Variants in MYRIP observed in about 807,000 individuals in gnomAD.
MYRIP encodes the protein myosin VIIA and Rab interacting protein, also known as rab effector MyRIP.
Under a neutral mutation model 98.0 loss-of-function variants are expected in MYRIP, and 49 were observed. That is an observed-to-expected ratio of 0.50 (90% CI 0.40 to 0.63). MYRIP has a LOEUF of 0.63. MYRIP is among the 30% of genes least tolerant of loss of function. MYRIP has a pLI of 0.00. For synonymous variants in MYRIP, 404 were observed against 409.5 expected (o/e 0.99, Z 0.16); for missense variants, 1,004 against 1,058.2 (o/e 0.95, Z 0.71).
chr3:39,878,396 G>A lies in MYRIP; in HGVS notation c.-30-22391G>A, dbSNP rs147609087. The stretch of plus-strand genomic sequence containing the variant: ...TGGCACTCACTAGTGAGATGAAGCC[G>A]GTACCTCAGATGGAAATGCAGAAAT... On this transcript the variant is annotated intron_variant, in intron 1 of 16. Transcript: ENST00000302541. Among the ~76,000 whole-genome samples, 1,417 of 152,246 alleles carry A rather than the reference G, an allele frequency of 9.3e-3. 26 individuals carry two copies. Among genetic ancestry groups the A allele is most frequent in the African/African-American group, 0.032 (1,333 of 41,532 alleles).
At chr3:40,039,049 C>T (rs374434465) in intron 2 of MYRIP, among the ~76,000 whole-genome samples, 3 of 152,206 alleles carry the variant, frequency 2.0e-5, no homozygotes, top group African/African-American at 7.2e-5. Flanking sequence ...TGCAGCATGC[C>T]CACATGAAAT....
intron 3 of MYRIP, among the ~76,000 whole-genome samples, chr3:40,087,762 G>T (rs1206737552): frequency 6.6e-6 from 1 of 152,226 alleles, no homozygotes; most frequent in African/African-American, 2.4e-5. Flanking sequence ...GAACGAGTCT[G>T]CTTCAGCATA....
intron 3 of MYRIP, among the ~76,000 whole-genome samples, chr3:40,059,022 G>C (rs1947944770): frequency 6.6e-6 from 1 of 150,918 alleles, no homozygotes; most frequent in South Asian, 2.1e-4. Flanking sequence ...TTATGAGTGA[G>C]AACATGTAGT....
chr3:39,908,008 A>G (rs1469594312), intron 2 of MYRIP, among the ~76,000 whole-genome samples: 1 of 152,206 alleles, frequency 6.6e-6, no homozygotes, highest in Non-Finnish European at 1.5e-5. Flanking sequence ...TGAGTCTTGG[A>G]GTCATTGATG....
chr3:39,850,132 C>A (rs1326702348), intron 1 of MYRIP, among the ~76,000 whole-genome samples: 2 of 152,116 alleles, frequency 1.3e-5, no homozygotes, highest in East Asian at 3.9e-4. Flanking sequence ...AAGCTGCAAA[C>A]CTCTCCAGGA....
intron 1 of MYRIP, among the ~76,000 whole-genome samples, chr3:39,860,002 GT>G (rs1419113197): frequency 6.6e-6 from 1 of 152,120 alleles, no homozygotes; most frequent in East Asian, 1.9e-4. Flanking sequence ...AGTACTAAAA[GT>G]TCTATATGTA....
intron 2 of MYRIP, among the ~76,000 whole-genome samples, chr3:39,985,072 T>TTA (rs71091784): frequency 6.7e-6 from 1 of 150,022 alleles, no homozygotes; most frequent in Non-Finnish European, 1.5e-5. Context: ...TTTGATGGGG[T>TTA]TTTGTTTTTT....
intron 2 of MYRIP, among the ~76,000 whole-genome samples, chr3:39,961,481 C>T (rs1274295655): frequency 6.6e-6 from 1 of 152,064 alleles, no homozygotes; most frequent in Non-Finnish European, 1.5e-5. Flanking sequence ...ACTTGCAGTT[C>T]CCACGATTTG....
intron 3 of MYRIP, among the ~76,000 whole-genome samples, chr3:40,139,565 C>A (rs1164226178): frequency 6.6e-6 from 1 of 152,116 alleles, no homozygotes; most frequent in Non-Finnish European, 1.5e-5. Context: ...TCATTCATGT[C>A]ATTTATATCA....
chr3:39,934,902 C>T (rs1944624278), intron 2 of MYRIP, among the ~76,000 whole-genome samples: 1 of 152,140 alleles, frequency 6.6e-6, no homozygotes, highest in African/African-American at 2.4e-5. Context: ...AAAATACCTC[C>T]CCTCTAGTCC....
At chr3:39,887,873 C>A (rs372228469) in intron 1 of MYRIP, among the ~76,000 whole-genome samples, 53 of 151,928 alleles carry the variant, frequency 3.5e-4, no homozygotes, top group African/African-American at 1.1e-3. Flanking sequence ...AAGCATTCTT[C>A]TACACCAACA....
At chr3:39,945,881 G>T (rs960834232) in intron 2 of MYRIP, among the ~76,000 whole-genome samples, 8 of 152,100 alleles carry the variant, frequency 5.3e-5, no homozygotes, top group African/African-American at 1.9e-4. Context: ...TAAAGGCTAT[G>T]ATTCTTTATT....
intron 1 of MYRIP, among the ~76,000 whole-genome samples, chr3:39,876,004 G>T (rs1037065569): frequency 2.0e-5 from 3 of 152,002 alleles, no homozygotes; most frequent in Non-Finnish European, 4.4e-5. Context: ...CTCAGGACTT[G>T]CTTTATGAAT....
intron 1 of MYRIP, among the ~76,000 whole-genome samples, chr3:39,886,934 T>G (rs1943321977): frequency 1.3e-5 from 2 of 152,038 alleles, no homozygotes; most frequent in South Asian, 4.1e-4. Flanking sequence ...ACCACATAGT[T>G]GGAAGTAAAG....
chr3:39,909,689 C>T (rs1030913576), intron 2 of MYRIP, among the ~76,000 whole-genome samples: 1 of 152,058 alleles, frequency 6.6e-6, no homozygotes, highest in Non-Finnish European at 1.5e-5. Context: ...CAGGGAGCAT[C>T]CTGGGTAAAG....
At chr3:39,902,282 G>T (rs1238579837) in intron 2 of MYRIP, among the ~76,000 whole-genome samples, 1 of 152,238 alleles carries the variant, frequency 6.6e-6, no homozygotes, top group Non-Finnish European at 1.5e-5. Flanking sequence ...GGAGGTCCAA[G>T]TTGGAAATTA....
chr3:40,127,434 G>A (rs1220591918), intron 3 of MYRIP, among the ~76,000 whole-genome samples: 1 of 152,250 alleles, frequency 6.6e-6, no homozygotes, highest in African/African-American at 2.4e-5. Flanking sequence ...TTCATAGGCT[G>A]CAAACTGGTC....
At chr3:40,095,001 G>C (rs1948799277) in intron 3 of MYRIP, among the ~76,000 whole-genome samples, 1 of 152,142 alleles carries the variant, frequency 6.6e-6, no homozygotes, top group Admixed American at 6.5e-5. Flanking sequence ...TCTGATGTGA[G>C]GTCACTTGTC....
chr3:39,985,061 T>G (rs1050468363), intron 2 of MYRIP, among the ~76,000 whole-genome samples: 68 of 113,320 alleles, frequency 6.0e-4, no homozygotes, highest in African/African-American at 3.0e-3. Context: ...TTCACCCACT[T>G]TTTGATGGGG....
Sources: allele counts gnomAD v4.1 joint callset (sites outside exome capture counted in the v4.1 genomes callset), GRCh38; gene constraint gnomAD v4.1.1; transcripts MANE v1.5; gene names NCBI Gene and HGNC (gene_info 2026-07-23, HGNC 2026-07-21).